Variants in CADM1 observed in about 807,000 individuals in gnomAD.
CADM1 encodes TSLC-1.
A neutral mutation model predicts 53.1 loss-of-function variants in CADM1; 15 were observed. That is an observed-to-expected ratio of 0.28 (90% confidence interval 0.19 to 0.44). CADM1 has a LOEUF of 0.44. Ranked by LOEUF, CADM1 falls within the 20% of genes least tolerant of loss-of-function variation. The pLI is 1.00. For synonymous variants in CADM1, 281 were observed against 243.0 expected (o/e 1.16, Z -1.45); for missense variants, 434 against 611.3 (o/e 0.71, Z 3.06).
At chr11:115,239,498 G>T (rs1480780594) in intron 2 of CADM1, among the ~76,000 whole-genome samples, 1 of 152,144 alleles carries the variant, frequency 6.6e-6, no homozygotes, top group Non-Finnish European at 1.5e-5. Context: ...TTTTGGCAAA[G>T]ACTAACTTAG....
chr11:115,304,587 A>C (rs188567756), intron 1 of CADM1, among the ~76,000 whole-genome samples: 16 of 152,138 alleles, frequency 1.1e-4, no homozygotes, highest in Admixed American at 2.6e-4. Flanking sequence ...GAAAACTTAA[A>C]TAGAGATATT....
intron 8 of CADM1, among the ~76,000 whole-genome samples, chr11:115,202,222 G>T (rs548968629): frequency 6.6e-6 from 1 of 151,704 alleles, no homozygotes; most frequent in South Asian, 2.1e-4. Flanking sequence ...AGAGGCAGCT[G>T]GGCAATATTT....
Position 115,408,673 on chromosome 11 carries a change from T to C in CADM1, c.124+95598A>G, listed in dbSNP as rs1947378130. On this transcript the variant is annotated intron_variant, in intron 1 of 11. Transcript: ENST00000331581. Reference sequence around the variant, plus strand: ...CCTAGTACTTATTCATAATCAACTCTACTCCAAGAAAATTAGTTAAGACAT... The same window carrying C: ...CCTAGTACTTATTCATAATCAACTCCACTCCAAGAAAATTAGTTAAGACAT... Among the ~76,000 whole-genome samples the C allele has an allele frequency of 3.3e-5, 5 of 152,218 alleles. No homozygotes were observed. The South Asian group carries it at 1.0e-3, about 32-fold the overall frequency.
rs556831543 is a variant in CADM1, at chr11:115,489,296, T to C, written c.124+14975A>G. 1.6e-4 allele frequency among the ~76,000 whole-genome samples: 24 copies of C among 152,348 alleles called. No individual in the cohort carries two copies. In the South Asian group the frequency reaches 4.1e-3, roughly 26 times the overall value. Reference sequence around the variant, plus strand: ...CACGTTGATAGCTCTTCATTCATTATGGGAGAACAAACAACTTCAACTAAG... The same window carrying C: ...CACGTTGATAGCTCTTCATTCATTACGGGAGAACAAACAACTTCAACTAAG... On this transcript the variant is annotated intron_variant, in intron 1 of 11. Coordinates refer to ENST00000331581, the MANE Select transcript of CADM1 (RefSeq NM_001301043.2).
chr11:115,323,697 T>G lies in CADM1; in HGVS notation c.125-83277A>C, dbSNP rs567811805. Among the ~76,000 whole-genome samples the G allele has an allele frequency of 3.3e-5, 5 of 152,222 alleles. No individual in the cohort carries two copies. The South Asian group carries it at 1.0e-3, about 32-fold the overall frequency. On this transcript the variant is annotated intron_variant, in intron 1 of 11. Transcript: ENST00000331581. Reference sequence around the variant, plus strand: ...GGTAAAGCAACTTATTTGGACTTAGTAGTAGAGAGGTGTTGAACTGAGAAA... The same window carrying G: ...GGTAAAGCAACTTATTTGGACTTAGGAGTAGAGAGGTGTTGAACTGAGAAA...
chr11:115,312,602 C>T (rs1446512486), intron 1 of CADM1, among the ~76,000 whole-genome samples: 3 of 152,106 alleles, frequency 2.0e-5, no homozygotes, highest in African/African-American at 7.2e-5. Flanking sequence ...TTACATTCTA[C>T]ATAAAACAAA....
At chr11:115,392,692 G>A (rs1946866952) in intron 1 of CADM1, among the ~76,000 whole-genome samples, 1 of 152,046 alleles carries the variant, frequency 6.6e-6, no homozygotes, top group Admixed American at 6.6e-5. Context: ...AAACACAAAT[G>A]ACCATGTGGT....
At chr11:115,385,809 T>C (rs1008798958) in intron 1 of CADM1, among the ~76,000 whole-genome samples, 1 of 152,180 alleles carries the variant, frequency 6.6e-6, no homozygotes, top group Non-Finnish European at 1.5e-5. Context: ...CCTCCCTTCA[T>C]CTAAATTTCT....
intron 1 of CADM1, among the ~76,000 whole-genome samples, chr11:115,335,045 T>TA (rs1460147940): frequency 2.6e-5 from 4 of 152,110 alleles, no homozygotes; most frequent in Non-Finnish European, 5.9e-5. Flanking sequence ...TCCAAGTCCT[T>TA]AAAGATGAGC....
In CADM1 at chr11:115,175,551, G is replaced by T; in HGVS notation, c.*923C>A. The T allele has an allele frequency of 5.1e-6, 5 of 985,404 alleles. No homozygotes were observed. The highest frequency in any genetic ancestry group is 6.0e-6 in the Non-Finnish European group (5 of 829,970). The allele number at this position is 985,404 out of a possible 1,614,324, so 61.0% of individuals were successfully genotyped here. On this transcript the variant is annotated 3_prime_UTR_variant, in exon 12 of 12. Transcript: ENST00000331581. ...CCCCCTCCCTACTTCCCCTCCTGTG[G>T]CAACTCAAAATTTGTCCACTTATAT...
chr11:115,304,102 T>C (rs1944302743), intron 1 of CADM1, among the ~76,000 whole-genome samples: 1 of 152,096 alleles, frequency 6.6e-6, no homozygotes, highest in South Asian at 2.1e-4. Context: ...GAATAATAAA[T>C]GCTGCATGTG....
At chr11:115,472,449 A>AG (rs531902338) in intron 1 of CADM1, among the ~76,000 whole-genome samples, 46 of 143,612 alleles carry the variant, frequency 3.2e-4, no homozygotes, top group African/African-American at 5.5e-4. Flanking sequence ...ATATGTATAT[A>AG]GGGGGGGGTG....
At chr11:115,345,308 A>G (rs2135255166) in intron 1 of CADM1, among the ~76,000 whole-genome samples, 1 of 152,360 alleles carries the variant, frequency 6.6e-6, no homozygotes, top group South Asian at 2.1e-4. Flanking sequence ...ACCAGAGTAC[A>G]GCAATACACA....
intron 2 of CADM1, among the ~76,000 whole-genome samples, 185 bp from the exon 3 acceptor site, chr11:115,238,837 AGT>A (rs562507283): frequency 6.6e-6 from 1 of 151,944 alleles, no homozygotes; most frequent in Non-Finnish European, 1.5e-5. Context: ...TGTATGTGTG[AGT>A]GTGTGTGTAT....
intron 1 of CADM1, among the ~76,000 whole-genome samples, chr11:115,427,522 G>A (rs1281858340): frequency 6.6e-6 from 1 of 152,130 alleles, no homozygotes; most frequent in African/African-American, 2.4e-5. Context: ...TAGATGGATA[G>A]ATGATAGATG....
intron 4 of CADM1, among the ~76,000 whole-genome samples, chr11:115,230,571 A>C (rs1006408126): frequency 6.6e-6 from 1 of 152,218 alleles, no homozygotes; most frequent in African/African-American, 2.4e-5. Context: ...AAAAATGGTC[A>C]AATAGGGTAT....
chr11:115,368,831 TA>T lies in CADM1; in HGVS notation c.125-128412del, dbSNP rs1946238261. On this transcript the variant is annotated intron_variant, in intron 1 of 11. Transcript: ENST00000331581. ...CCTATATCTATGCTGTCCAACATGA[TA>T]GCCACTAGCCACAAATAGCTATTGA... Among the ~76,000 whole-genome samples, 4 of 152,026 alleles carry T rather than the reference TA, an allele frequency of 2.6e-5. No individual in the cohort carries two copies. In the South Asian group the frequency reaches 8.3e-4, roughly 32 times the overall value.
intron 1 of CADM1, among the ~76,000 whole-genome samples, chr11:115,263,543 T>C (rs1192783013): frequency 7.9e-5 from 12 of 152,222 alleles, no homozygotes. Context: ...AATTCTTCTG[T>C]AAGGAAGACA....
intron 1 of CADM1, among the ~76,000 whole-genome samples, chr11:115,349,408 A>ACCCAACCAATTCTGTTCCTAAAACAATGG (rs1945667533): frequency 6.6e-6 from 1 of 152,220 alleles, no homozygotes; most frequent in Non-Finnish European, 1.5e-5. Flanking sequence ...GAGCATGACA[A>ACCCAACCAATTCTGTTCCTAAAACAATGG]CCCAACCAAT....
Sources: gnomAD v4.1 joint callset for allele counts (sites outside exome capture counted in the v4.1 genomes callset) on GRCh38, gnomAD v4.1.1 for gene constraint, MANE v1.5 for transcripts, NCBI Gene and HGNC (gene_info 2026-07-23, HGNC 2026-07-21) for gene names.